The following EXT1 variants were observed in gnomAD, a reference collection of about 807,000 sequenced individuals.
The protein encoded by EXT1 is exostosin glycosyltransferase 1.
EXT1 carries 20 observed loss-of-function variants against 82.5 expected under a neutral mutation model. The observed-to-expected ratio is 0.24, with a 90% confidence interval of 0.17 to 0.35. The LOEUF is 0.35. Among genes scored for constraint, EXT1 ranks in the 10% least tolerant of loss-of-function variants. The probability of loss-of-function intolerance (pLI) is 1.00; values close to 1 mark genes in which losing one functional copy is unlikely to be tolerated. For missense variants in EXT1, 757 were observed against 936.5 expected, an observed-to-expected ratio of 0.81 and a Z score of 2.50; for synonymous variants, 348 against 350.8, an observed-to-expected ratio of 0.99 and a Z score of 0.09.
chr8:117,898,187 A>C (rs531330960), intron 1 of EXT1, among the ~76,000 whole-genome samples: 6 of 152,300 alleles, frequency 3.9e-5, no homozygotes, highest in African/African-American at 1.4e-4. Context: ...TGGTGGTTTA[A>C]CAACCAAAGT....
chr8:117,841,380 T>C (rs573350234), intron 1 of EXT1, among the ~76,000 whole-genome samples: 2 of 152,126 alleles, frequency 1.3e-5, no homozygotes, highest in Non-Finnish European at 2.9e-5. Flanking sequence ...AAAGAACACT[T>C]AGAGGTTGCC....
intron 5 of EXT1, among the ~76,000 whole-genome samples, chr8:117,820,441 C>A (rs943049925): frequency 2.6e-5 from 4 of 152,158 alleles, no homozygotes; most frequent in East Asian, 1.9e-4. Flanking sequence ...GTGATCCCAG[C>A]AATTTGGGAG....
At chr8:117,977,677 G>A (rs1392972791) in intron 1 of EXT1, among the ~76,000 whole-genome samples, 1 of 152,154 alleles carries the variant, frequency 6.6e-6, no homozygotes, top group African/African-American at 2.4e-5. Flanking sequence ...ATGCTGGGGT[G>A]TCCCTCAGTT....
chr8:117,826,852 G>C (rs898382767), intron 4 of EXT1, among the ~76,000 whole-genome samples: 1 of 152,082 alleles, frequency 6.6e-6, no homozygotes, highest in Non-Finnish European at 1.5e-5. Context: ...AAGGGAAAAG[G>C]CCTTTTCAGG....
chr8:118,002,641 C>T lies in EXT1; in HGVS notation c.962+107444G>A, dbSNP rs1815696442. Among the ~76,000 whole-genome samples the T allele has an allele frequency of 2.7e-5, 4 of 150,184 alleles. No homozygotes were observed. In the South Asian group the frequency reaches 6.3e-4, roughly 24 times the overall value. The stretch of plus-strand genomic sequence containing the variant: ...CCACCTCCCAGATTCACCCCATTCT[C>T]CTGCCTGAGCCTCCTGAGTAGATGG... On this transcript the variant is annotated intron_variant, in intron 1 of 10. Coordinates refer to ENST00000378204, the MANE Select transcript of EXT1 (RefSeq NM_000127.3).
intron 1 of EXT1, among the ~76,000 whole-genome samples, chr8:117,941,827 G>C (rs17475925): frequency 5.9e-5 from 9 of 152,284 alleles, no homozygotes; most frequent in Non-Finnish European, 7.3e-5. Context: ...CTGCCATCCA[G>C]TTTAAGACCT....
In EXT1 at chr8:118,030,863, G is replaced by A. The variant is rs149283593; in HGVS notation, c.962+79222C>T. 4.0e-3 allele frequency among the ~76,000 whole-genome samples: 607 copies of A among 152,310 alleles called. 3 individuals are homozygous for A. The highest frequency in any genetic ancestry group is 0.01 in the Middle Eastern group (3 of 294). On this transcript the variant is annotated intron_variant, in intron 1 of 10. Transcript: ENST00000378204. The stretch of plus-strand genomic sequence containing the variant: ...CCTGCTTTTCCCCTTCCAAAGGAAA[G>A]AGGAGGAGGAGTGAAAACACTGAAG...
At position 118,037,693 on chromosome 8, in the gene EXT1, GA is replaced by G. The variant is rs1816448452; in HGVS notation, c.962+72391del. ...AAAATCAAATATAAAGTTCTCCACTGAAAACCGAAAGACTCAAAATCTATTA... is the reference window on the plus strand; with the variant it reads ...AAAATCAAATATAAAGTTCTCCACTGAAACCGAAAGACTCAAAATCTATTA... On this transcript the variant is annotated intron_variant, in intron 1 of 10. Coordinates refer to ENST00000378204, the MANE Select transcript of EXT1 (RefSeq NM_000127.3). Among the ~76,000 whole-genome samples, 8 of 152,206 alleles carry G rather than the reference GA, an allele frequency of 5.3e-5. No homozygotes were observed. In the South Asian group the frequency reaches 1.7e-3, roughly 32 times the overall value.
chr8:117,891,094 G>A (rs934262756), intron 1 of EXT1, among the ~76,000 whole-genome samples: 2 of 152,148 alleles, frequency 1.3e-5, no homozygotes, highest in Admixed American at 6.5e-5. Flanking sequence ...TTGCCCACAA[G>A]GGCCAACTCA....
chr8:117,812,802 A>C lies in EXT1; in HGVS notation c.1722+70T>G. On this transcript the variant is annotated intron_variant, in intron 8 of 10. Transcript: ENST00000378204. Reference sequence around the variant, plus strand: ...CTGCCAAGGCACGGCTAAAAGAAGCATTAGCATCGTGCAACATGAGGTGAC... The same window carrying C: ...CTGCCAAGGCACGGCTAAAAGAAGCCTTAGCATCGTGCAACATGAGGTGAC... The C allele has an allele frequency of 3.0e-6, 4 of 1,338,966 alleles. 1 individual carries two copies. 82.9% of individuals were successfully genotyped at this position (1,338,966 alleles called of 1,614,324 possible).
intron 1 of EXT1, among the ~76,000 whole-genome samples, chr8:117,996,406 T>C (rs979989111): frequency 2.6e-5 from 4 of 152,232 alleles, no homozygotes; most frequent in African/African-American, 9.6e-5. Flanking sequence ...CCTATGGCCA[T>C]GTACGGCTAG....
chr8:118,062,333 T>C (rs1412457227), intron 1 of EXT1, among the ~76,000 whole-genome samples: 1 of 152,174 alleles, frequency 6.6e-6, no homozygotes, highest in Non-Finnish European at 1.5e-5. Flanking sequence ...GATGAAAATG[T>C]TGTATCCTAG....
At chr8:117,994,577 C>A (rs899895485) in intron 1 of EXT1, among the ~76,000 whole-genome samples, 1 of 152,164 alleles carries the variant, frequency 6.6e-6, no homozygotes, top group Admixed American at 6.5e-5. Context: ...TGCCACTAGA[C>A]CCCAGCCTGG....
chr8:118,046,123 GC>G (rs201942415), intron 1 of EXT1, among the ~76,000 whole-genome samples: 8,226 of 146,922 alleles, frequency 0.056, 733 homozygotes, highest in African/African-American at 0.2. Context: ...TTTTCTTTTT[GC>G]CTAACTAGGG....
chr8:118,085,961 T>C (rs1324942631), intron 1 of EXT1, among the ~76,000 whole-genome samples: 1 of 152,244 alleles, frequency 6.6e-6, no homozygotes. Context: ...TTACTGTTTT[T>C]GGTCTCTCTA....
At chr8:117,825,530 C>A (rs1276474337) in intron 4 of EXT1, among the ~76,000 whole-genome samples, 1 of 152,082 alleles carries the variant, frequency 6.6e-6, no homozygotes, top group East Asian at 1.9e-4. Context: ...CTAGATGGCC[C>A]CCTCGATAAG....
chr8:117,811,360 T>A (rs1405052197), intron 8 of EXT1, among the ~76,000 whole-genome samples: 1 of 152,190 alleles, frequency 6.6e-6, no homozygotes, highest in Non-Finnish European at 1.5e-5. Flanking sequence ...CTATGAATGT[T>A]AAGCTTATCA....
chr8:118,018,897 A>G (rs981880340), intron 1 of EXT1, among the ~76,000 whole-genome samples: 2 of 152,096 alleles, frequency 1.3e-5, no homozygotes, highest in Non-Finnish European at 2.9e-5. Flanking sequence ...TCCAATACAG[A>G]CATAGGTATA....
At chr8:117,806,030 T>C (rs986935769) in intron 9 of EXT1, among the ~76,000 whole-genome samples, 2 of 152,184 alleles carry the variant, frequency 1.3e-5, no homozygotes, top group Non-Finnish European at 2.9e-5. Context: ...GTGTTTCAGG[T>C]CAAAAGACTT....
Sources: allele counts gnomAD v4.1 joint callset (sites outside exome capture counted in the v4.1 genomes callset), GRCh38; gene constraint gnomAD v4.1.1; transcripts MANE v1.5; gene names NCBI Gene and HGNC (gene_info 2026-07-23, HGNC 2026-07-21).